Variants in SCARA5 observed in about 807,000 individuals in gnomAD.
The protein encoded by SCARA5 is scavenger receptor class A member 5.
SCARA5 carries 45 observed loss-of-function variants against 46.3 expected under a neutral mutation model. The observed-to-expected ratio is 0.97, with a 90% CI of 0.76 to 1.24. The LOEUF is 1.24. Among genes scored for constraint, SCARA5 ranks in the 50% most tolerant of loss-of-function variants. SCARA5 has a pLI of 0.00. For synonymous variants in SCARA5, 333 were observed against 306.5 expected (o/e 1.09, Z -0.90); for missense variants, 680 against 689.0 (o/e 0.99, Z 0.15).
At chr8:27,883,167 G>T (rs1175061924) in intron 7 of SCARA5, among the ~76,000 whole-genome samples, 1 of 152,210 alleles carries the variant, frequency 6.6e-6, no homozygotes, top group African/African-American at 2.4e-5. Context: ...ATCAATGTTT[G>T]CAGAATGTAG....
intron 2 of SCARA5, among the ~76,000 whole-genome samples, chr8:27,978,502 CTTATTTAT>C (rs369346257): frequency 9.9e-5 from 15 of 151,512 alleles, no homozygotes; most frequent in African/African-American, 3.6e-4. Flanking sequence ...CATGGCTCAT[CTTATTTAT>C]TTATTTATTT....
At chr8:27,945,021 C>T (rs1379287294) in intron 3 of SCARA5, among the ~76,000 whole-genome samples, 1 of 151,786 alleles carries the variant, frequency 6.6e-6, no homozygotes, top group Admixed American at 6.6e-5. Flanking sequence ...AAAAATTAGC[C>T]AGGTGTGGTG....
chr8:27,877,330 G>A (rs1453644300), intron 8 of SCARA5, among the ~76,000 whole-genome samples: 1 of 152,190 alleles, frequency 6.6e-6, no homozygotes. Context: ...GGGCATTCGT[G>A]AAAGCAAGTC....
At chr8:27,937,102 C>G (rs73239316) in intron 3 of SCARA5, among the ~76,000 whole-genome samples, 4 of 152,330 alleles carry the variant, frequency 2.6e-5, no homozygotes, top group Non-Finnish European at 2.9e-5. Flanking sequence ...GAGACTTGCT[C>G]TTTTGAGTAA....
At chr8:27,881,924 T>C (rs1021168555) in intron 7 of SCARA5, among the ~76,000 whole-genome samples, 1 of 152,226 alleles carries the variant, frequency 6.6e-6, no homozygotes, top group Non-Finnish European at 1.5e-5. Flanking sequence ...GTGCTGCACA[T>C]GCGATGGGTT....
intron 4 of SCARA5, among the ~76,000 whole-genome samples, chr8:27,915,184 T>A (rs559239914): frequency 6.6e-6 from 1 of 151,696 alleles, no homozygotes; most frequent in Admixed American, 6.6e-5. Flanking sequence ...AATTGTGAGG[T>A]CTCTTTTTTT....
At chr8:27,943,533 T>C (rs1398776809) in intron 3 of SCARA5, among the ~76,000 whole-genome samples, 2 of 152,234 alleles carry the variant, frequency 1.3e-5, no homozygotes, top group East Asian at 3.8e-4. Flanking sequence ...TAACAACTGG[T>C]TCTCCAAGGG....
chr8:27,970,568 C>A (rs2129948763), intron 2 of SCARA5, among the ~76,000 whole-genome samples: 1 of 152,352 alleles, frequency 6.6e-6, no homozygotes, highest in East Asian at 1.9e-4. Context: ...AAATAGGCCT[C>A]TAGAACTGCC....
chr8:27,935,168 G>A (rs1013963624), intron 3 of SCARA5, among the ~76,000 whole-genome samples: 4 of 152,184 alleles, frequency 2.6e-5, no homozygotes, highest in Non-Finnish European at 4.4e-5. Context: ...ATTCTGACCC[G>A]GGAGACAGTA....
At chr8:27,889,592 G>A (rs181844606) in intron 7 of SCARA5, among the ~76,000 whole-genome samples, 9 of 152,336 alleles carry the variant, frequency 5.9e-5, no homozygotes, top group Admixed American at 3.9e-4. Context: ...AGATCCCTGA[G>A]CATGGTCCAC....
intron 2 of SCARA5, among the ~76,000 whole-genome samples, chr8:27,984,794 CCCATTCATCCAT>C (rs898144542): frequency 5.3e-5 from 8 of 150,614 alleles, no homozygotes; most frequent in East Asian, 2.0e-4. Flanking sequence ...CATCCATTCA[CCCATTCATCCAT>C]CCATTCATCC....
intron 1 of SCARA5, among the ~76,000 whole-genome samples, chr8:27,991,129 G>T (rs541024012): frequency 6.6e-6 from 1 of 152,344 alleles, no homozygotes; most frequent in East Asian, 1.9e-4. Context: ...GCTCCTCTGC[G>T]TATTGGTTTC....
chr8:27,973,341 G>A (rs1330142681), intron 2 of SCARA5, among the ~76,000 whole-genome samples: 3 of 152,090 alleles, frequency 2.0e-5, no homozygotes, highest in Non-Finnish European at 2.9e-5. Context: ...GCCAGGCTTG[G>A]TGGTGCAGGC....
At chr8:27,925,409 T>C (rs916725002) in intron 3 of SCARA5, among the ~76,000 whole-genome samples, 1 of 152,208 alleles carries the variant, frequency 6.6e-6, no homozygotes, top group African/African-American at 2.4e-5. Flanking sequence ...ATTTAATAAA[T>C]GGTGCTGGGA....
At chr8:27,879,161 T>C (rs1427186399) in intron 8 of SCARA5, among the ~76,000 whole-genome samples, 1 of 152,186 alleles carries the variant, frequency 6.6e-6, no homozygotes, top group Non-Finnish European at 1.5e-5. Flanking sequence ...TAAATATTTG[T>C]TACATGTTGA....
At chr8:27,965,240 T>C (rs1262800212) in intron 3 of SCARA5, among the ~76,000 whole-genome samples, 1 of 152,186 alleles carries the variant, frequency 6.6e-6, no homozygotes. Flanking sequence ...TGACGGAAAG[T>C]GAATCAAGAC....
At chr8:27,949,118 AGTG>A (rs1808083468) in intron 3 of SCARA5, among the ~76,000 whole-genome samples, 1 of 152,238 alleles carries the variant, frequency 6.6e-6, no homozygotes, top group South Asian at 2.1e-4. Context: ...TGGACAGAAC[AGTG>A]AGCTTCAGGG....
rs376062908 is a variant in SCARA5 at position 27,871,922 on chromosome 8, C to A, written c.*12G>T. 2.5e-6 allele frequency: 4 copies of A among 1,613,928 alleles called. No homozygotes were observed. The highest frequency in any genetic ancestry group is 1.7e-4 in the Middle Eastern group (1 of 5,796). On this transcript the variant is annotated 3_prime_UTR_variant, in exon 9 of 9. Coordinates refer to ENST00000354914, the MANE Select transcript of SCARA5 (RefSeq NM_173833.6). Reference sequence around the variant, plus strand: ...CTCTGTGCAGGACCCCGAACTTGGGCTCTGCCCACTTTCAGTGTCTGTTGC... The same window carrying A: ...CTCTGTGCAGGACCCCGAACTTGGGATCTGCCCACTTTCAGTGTCTGTTGC...
intron 4 of SCARA5, among the ~76,000 whole-genome samples, chr8:27,913,702 C>T (rs1807415299): frequency 6.6e-6 from 1 of 152,172 alleles, no homozygotes; most frequent in African/African-American, 2.4e-5. Context: ...GCTGTCTGAT[C>T]CATCTCTCTG....
Sources: allele counts gnomAD v4.1 joint callset (sites outside exome capture counted in the v4.1 genomes callset), GRCh38; gene constraint gnomAD v4.1.1; transcripts MANE v1.5; gene names NCBI Gene and HGNC (gene_info 2026-07-23, HGNC 2026-07-21).